SLC26A11: variants seen among roughly 807,000 people sequenced by gnomAD.
The protein encoded by SLC26A11 is sodium-independent sulfate anion transporter.
SLC26A11 carries 58 observed loss-of-function variants against 62.2 expected under a neutral mutation model. That is an observed-to-expected ratio of 0.93 (90% CI 0.76 to 1.16). The LOEUF (loss-of-function observed/expected upper bound fraction) is 1.16. Among genes scored for constraint, SLC26A11 ranks in the 50% most tolerant of loss-of-function variants. The pLI, the probability that SLC26A11 is intolerant of heterozygous loss-of-function variation, is 0.00. For missense variants in SLC26A11, 790 were observed against 794.3 expected (o/e 0.99, Z 0.06); for synonymous variants, 411 against 368.9 (o/e 1.11, Z -1.31).
chr17:80,222,921 C>A lies in SLC26A11; in HGVS notation c.427+74C>A. ...GCTTGTTTGCATTTCAAGTCTATCC[C>A]CGTGTGCGTGTGTGTGCGTGTTGGG... On this transcript the variant is annotated intron_variant, in intron 4 of 17. Transcript: ENST00000361193. This position sits in a 1 kb window ranked among gnomAD's most constrained non-coding sequence, Gnocchi z 4.7. 1 of 1,496,470 alleles carries A rather than the reference C, an allele frequency of 6.7e-7. No homozygotes were observed. The allele number at this position is 1,496,470 out of a possible 1,614,324, so 92.7% of individuals were successfully genotyped here. A position where few individuals can be genotyped will look rare whatever the true frequency, so the allele number is the denominator to read the frequency against.
In SLC26A11 at chr17:80,223,792, T is replaced by C. The variant is rs1391491337; in HGVS notation, c.513+455T>C. 3.3e-5 allele frequency among the ~76,000 whole-genome samples: 5 copies of C among 152,262 alleles called. No homozygotes were observed. The highest frequency in any genetic ancestry group is 1.2e-4 in the African/African-American group (5 of 41,470). On this transcript the variant is annotated intron_variant, in intron 5 of 17. Coordinates refer to ENST00000361193, the MANE Select transcript of SLC26A11 (RefSeq NM_001166347.2). The surrounding 1 kb of genome is among the most constrained non-coding windows in gnomAD (Gnocchi z 4.6). Reference sequence around the variant, plus strand: ...TTTTTTTCTGGTTTCTGTTTAATATTTTTTAAATGCCATGCCTTTTATATT... The same window carrying C: ...TTTTTTTCTGGTTTCTGTTTAATATCTTTTAAATGCCATGCCTTTTATATT...
chr17:80,237,321 G>A, intron 8 of SLC26A11: 1 of 751,302 alleles, frequency 1.3e-6, no homozygotes, highest in Non-Finnish European at 2.1e-6. Flanking sequence ...CGCTTCTCCT[G>A]TTTTGGACTC....
intron 13 of SLC26A11, among the ~76,000 whole-genome samples, chr17:80,247,706 C>T (rs534922257): frequency 6.6e-6 from 1 of 152,350 alleles, no homozygotes; most frequent in East Asian, 1.9e-4. Flanking sequence ...AAGGCTCAGC[C>T]AGGGTGGGGC....
intron 7 of SLC26A11, among the ~76,000 whole-genome samples, chr17:80,229,785 T>TG (rs1403989408): frequency 6.6e-6 from 1 of 152,182 alleles, no homozygotes; most frequent in East Asian, 1.9e-4. Context: ...ACCAGCAGCC[T>TG]GGGCACTGGG....
chr17:80,230,831 T>A (rs1448522409), intron 7 of SLC26A11, among the ~76,000 whole-genome samples: 1 of 152,212 alleles, frequency 6.6e-6, no homozygotes, highest in African/African-American at 2.4e-5. Context: ...TTGATTCTTA[T>A]AACAGCTTTG....
intron 16 of SLC26A11, among the ~76,000 whole-genome samples, chr17:80,249,930 G>T (rs906242404): frequency 1.3e-5 from 2 of 152,034 alleles, no homozygotes; most frequent in Admixed American, 6.6e-5. Context: ...AAAAAAAACA[G>T]GTGCTCATAG....
chr17:80,244,780 A>C (rs1045093020), intron 10 of SLC26A11, among the ~76,000 whole-genome samples: 2 of 152,156 alleles, frequency 1.3e-5, no homozygotes, highest in Non-Finnish European at 2.9e-5. Flanking sequence ...GTTTGAGACC[A>C]GCCTGGCCAA....
intron 6 of SLC26A11, 129 bp from the exon 7 acceptor site, chr17:80,227,689 C>CA: frequency 7.5e-7 from 1 of 1,325,544 alleles, no homozygotes; most frequent in Non-Finnish European, 1.0e-6. Flanking sequence ...GGTCTGGGAC[C>CA]AGCAGCCTGG....
At position 80,252,686 on chromosome 17, in the gene SLC26A11, G is replaced by A; in HGVS notation, c.1791G>A (p.Leu597=). The A allele has an allele frequency of 1.9e-6, 3 of 1,613,964 alleles. No individual in the cohort carries two copies. The highest frequency in any genetic ancestry group is 2.5e-6 in the Non-Finnish European group (3 of 1,179,976). The change falls in exon 18 of 18, where the codon CTG becomes CTA. Residue 597 remains leucine, a synonymous_variant. Transcript: ENST00000361193. This position sits in a 1 kb window ranked among gnomAD's most constrained non-coding sequence, Gnocchi z 5.2. ...QPYNIREDSI[L]DQKVALLKA ...ACAACATCAGAGAAGACTCCATTCTGGACCAAAAGGTTGCCCTGCTCAAGG... is the reference window on the plus strand; with the variant it reads ...ACAACATCAGAGAAGACTCCATTCTAGACCAAAAGGTTGCCCTGCTCAAGG...
chr17:80,225,612 T>A, intron 5 of SLC26A11: 1 of 517,658 alleles, frequency 1.9e-6, no homozygotes, highest in South Asian at 2.6e-5. Flanking sequence ...ACCCAGTAAT[T>A]GTGAAGTACT....
At chr17:80,231,192 C>T (rs893138445) in intron 7 of SLC26A11, among the ~76,000 whole-genome samples, 23 of 109,818 alleles carry the variant, frequency 2.1e-4, no homozygotes, top group Admixed American at 1.8e-3. Context: ...GACGGAGTTT[C>T]GCTCTTGTCC....
intron 9 of SLC26A11, among the ~76,000 whole-genome samples, chr17:80,238,278 G>A (rs553336948): frequency 9.9e-5 from 15 of 152,258 alleles, no homozygotes; most frequent in African/African-American, 3.4e-4. Context: ...ACTTGAGCCC[G>A]GGAGGTCGAG....
intron 16 of SLC26A11, 57 bp downstream of exon 16, chr17:80,249,344 C>T: frequency 6.3e-7 from 1 of 1,591,352 alleles, no homozygotes; most frequent in Non-Finnish European, 8.5e-7. Context: ...CCTTCCTGTG[C>T]CTGCCTCCCA....
intron 9 of SLC26A11, among the ~76,000 whole-genome samples, chr17:80,240,431 G>A (rs925975124): frequency 1.3e-5 from 2 of 151,786 alleles, no homozygotes; most frequent in Non-Finnish European, 2.9e-5. Context: ...TAAAACCTTC[G>A]CCTGCTCACC....
chr17:80,246,383 G>C lies in SLC26A11; in HGVS notation c.1154-126G>C. The stretch of plus-strand genomic sequence containing the variant: ...ACAGGAGACTGAGCAGGGGCTGGGG[G>C]CCTTGGCAGTCGTCGCCCTACCCCC... On this transcript the variant is annotated intron_variant, in intron 12 of 17. Transcript: ENST00000361193. The surrounding 1 kb of genome is among the most constrained non-coding windows in gnomAD (Gnocchi z 4.4). The C allele has an allele frequency of 6.9e-7, 1 of 1,441,008 alleles. No homozygotes were observed. The highest frequency in any genetic ancestry group is 1.3e-5 in the South Asian group (1 of 77,030). The allele number at this position is 1,441,008 out of a possible 1,614,324, so 89.3% of individuals were successfully genotyped here. A position where few individuals can be genotyped will look rare whatever the true frequency, so the allele number is the denominator to read the frequency against.
chr17:80,234,842 CT>C (rs1396687899), intron 7 of SLC26A11, among the ~76,000 whole-genome samples: 2 of 147,128 alleles, frequency 1.4e-5, no homozygotes, highest in African/African-American at 2.5e-5. Context: ...CAGTTTGAAT[CT>C]TTTTTTTTCT....
chr17:80,224,214 A>T (rs12949387), intron 5 of SLC26A11, among the ~76,000 whole-genome samples: 2 of 150,400 alleles, frequency 1.3e-5, no homozygotes, highest in African/African-American at 4.9e-5. Context: ...TGTGTGAATG[A>T]GTGAGTGTGT....
chr17:80,244,974 CAAAAAAA>C (rs34294039), intron 10 of SLC26A11, among the ~76,000 whole-genome samples: 3 of 67,690 alleles, frequency 4.4e-5, no homozygotes, highest in Non-Finnish European at 8.0e-5. Context: ...GACTCTGTCT[CAAAAAAA>C]AAAAAAAAAA....
chr17:80,221,161 T>C (rs189580668), intron 2 of SLC26A11, 46 bp downstream of exon 2: 1 of 172,560 alleles, frequency 5.8e-6, no homozygotes, highest in East Asian at 1.6e-4. Context: ...CCCCGTTAAA[T>C]TCCCTGGGGA....
Sources: gnomAD v4.1 joint callset for allele counts (sites outside exome capture counted in the v4.1 genomes callset) on GRCh38, gnomAD v4.1.1 for gene constraint, Gnocchi (gnomAD v3.1) non-coding constraint, MANE v1.5 for transcripts, NCBI Gene and HGNC (gene_info 2026-07-23, HGNC 2026-07-21) for gene names.